Variants in BACH2 observed in about 807,000 individuals in gnomAD.
BACH2 encodes the protein BACH transcriptional regulator 2, also known as transcription regulator protein BACH2.
In BACH2, 5 loss-of-function variants were observed where a neutral mutation model predicts 61.8. That is an observed-to-expected ratio of 0.08 (90% confidence interval 0.04 to 0.17). The LOEUF is 0.17. BACH2 is among the 10% of genes least tolerant of loss of function. BACH2 has a pLI of 1.00. For missense variants in BACH2, 824 were observed against 1,091.1 expected, an observed-to-expected ratio of 0.76 and a Z score of 3.45; for synonymous variants, 446 against 440.1, an observed-to-expected ratio of 1.01 and a Z score of -0.17.
intron 2 of BACH2, among the ~76,000 whole-genome samples, chr6:90,262,117 C>G (rs75009099): frequency 1.3e-5 from 2 of 152,222 alleles, no homozygotes; most frequent in Admixed American, 6.5e-5. Flanking sequence ...TGGCATGGTA[C>G]GTAAGGTCCT....
chr6:89,984,324 G>A (rs144534102), intron 6 of BACH2, among the ~76,000 whole-genome samples: 302 of 152,198 alleles, frequency 2.0e-3, no homozygotes, highest in Non-Finnish European at 3.0e-3. Context: ...TGGTCACAGA[G>A]AAACGAGAGG....
At chr6:90,218,664 T>G (rs574694793) in intron 3 of BACH2, among the ~76,000 whole-genome samples, 1 of 152,202 alleles carries the variant, frequency 6.6e-6, no homozygotes, top group East Asian at 1.9e-4. Flanking sequence ...GCTCTGCCCT[T>G]TCTCTGGCTC....
chr6:90,174,170 A>G (rs964415984), intron 4 of BACH2, among the ~76,000 whole-genome samples: 4 of 152,096 alleles, frequency 2.6e-5, no homozygotes, highest in Non-Finnish European at 5.9e-5. Context: ...TAAATGCAAA[A>G]ATCCTGAACA....
intron 3 of BACH2, among the ~76,000 whole-genome samples, chr6:90,231,789 C>A (rs1198758859): frequency 1.3e-5 from 2 of 152,132 alleles, no homozygotes; most frequent in African/African-American, 4.8e-5. Flanking sequence ...ATTCTAAGTC[C>A]ACTGGGCTGG....
chr6:90,190,103 T>C (rs749914948), intron 4 of BACH2, among the ~76,000 whole-genome samples: 36 of 152,116 alleles, frequency 2.4e-4, no homozygotes, highest in Non-Finnish European at 4.9e-4. Flanking sequence ...ACCACCACAC[T>C]CGTCTAACTT....
intron 1 of BACH2, among the ~76,000 whole-genome samples, chr6:90,294,577 C>A (rs548579814): frequency 1.3e-5 from 2 of 152,246 alleles, no homozygotes; most frequent in East Asian, 3.9e-4. Context: ...TTGAACGCAA[C>A]ACTGTAATTT....
intron 5 of BACH2, among the ~76,000 whole-genome samples, chr6:90,077,678 T>C (rs1041112530): frequency 1.3e-5 from 2 of 152,186 alleles, no homozygotes; most frequent in African/African-American, 4.8e-5. Context: ...ATACAACAAT[T>C]AAGAAAACTA....
chr6:90,055,649 G>A (rs1780301139), intron 5 of BACH2, among the ~76,000 whole-genome samples: 1 of 141,854 alleles, frequency 7.0e-6, no homozygotes, highest in African/African-American at 3.2e-5. Context: ...CTCGAGAAGA[G>A]CAACTCCAAG....
At chr6:89,937,842 T>G (rs1773118967) in intron 8 of BACH2, among the ~76,000 whole-genome samples, 1 of 152,218 alleles carries the variant, frequency 6.6e-6, no homozygotes, top group Non-Finnish European at 1.5e-5. Flanking sequence ...ACATCAGTTA[T>G]TTTCACATGT....
At chr6:89,955,655 C>T (rs549799356) in intron 6 of BACH2, among the ~76,000 whole-genome samples, 10 of 152,308 alleles carry the variant, frequency 6.6e-5, no homozygotes, top group African/African-American at 2.2e-4. Context: ...GCAAGTGTTA[C>T]AACAGGCAGA....
intron 5 of BACH2, among the ~76,000 whole-genome samples, chr6:90,086,198 TTAA>T (rs1181233953): frequency 2.0e-5 from 3 of 152,228 alleles, no homozygotes; most frequent in African/African-American, 7.2e-5. Flanking sequence ...ATTGTATGTA[TTAA>T]TATACACCAC....
At chr6:89,969,719 TA>T (rs1396604912) in intron 6 of BACH2, among the ~76,000 whole-genome samples, 4 of 152,002 alleles carry the variant, frequency 2.6e-5, no homozygotes, top group Non-Finnish European at 5.9e-5. Flanking sequence ...ATGGGGCTCA[TA>T]AAAGGGAATG....
At chr6:90,278,985 A>C (rs1771776249) in intron 1 of BACH2, among the ~76,000 whole-genome samples, 1 of 152,230 alleles carries the variant, frequency 6.6e-6, no homozygotes, top group South Asian at 2.1e-4. Flanking sequence ...CATGTAATCA[A>C]CATAATAAAA....
intron 2 of BACH2, among the ~76,000 whole-genome samples, chr6:90,256,402 T>C (rs1258699582): frequency 1.3e-5 from 2 of 152,228 alleles, no homozygotes; most frequent in South Asian, 2.1e-4. Flanking sequence ...GCCATGTTTT[T>C]CCCCCTCTCT....
chr6:90,210,871 A>G (rs1227478965), intron 3 of BACH2, among the ~76,000 whole-genome samples: 6 of 152,252 alleles, frequency 3.9e-5, no homozygotes, highest in Non-Finnish European at 8.8e-5. Context: ...GGATAGAAGC[A>G]TGGGTAAGAA....
At chr6:90,029,491 TCCTC>T (rs1297537617) in intron 5 of BACH2, among the ~76,000 whole-genome samples, 1 of 152,118 alleles carries the variant, frequency 6.6e-6, no homozygotes, top group African/African-American at 2.4e-5. Flanking sequence ...TCACTCTCCA[TCCTC>T]CCTCCCTGTT....
chr6:90,110,235 T>C (rs925332124), intron 4 of BACH2, among the ~76,000 whole-genome samples: 3 of 152,204 alleles, frequency 2.0e-5, no homozygotes, highest in Admixed American at 2.0e-4. Flanking sequence ...CTGTGGATAT[T>C]CTCTGATTCT....
chr6:90,123,769 CAAAAAAAAA>C (rs796903431), intron 4 of BACH2, among the ~76,000 whole-genome samples: 2 of 33,984 alleles, frequency 5.9e-5, no homozygotes, highest in African/African-American at 8.9e-5. Context: ...GACTCCGTCT[CAAAAAAAAA>C]AAAAAAAAAA....
chr6:90,269,014 C>G (rs996843206), intron 2 of BACH2, among the ~76,000 whole-genome samples: 1 of 152,090 alleles, frequency 6.6e-6, no homozygotes, highest in African/African-American at 2.4e-5. Flanking sequence ...AAATGAAACC[C>G]CATACAACTC....
Sources: allele counts gnomAD v4.1 joint callset (sites outside exome capture counted in the v4.1 genomes callset), GRCh38; gene constraint gnomAD v4.1.1; transcripts MANE v1.5; gene names NCBI Gene and HGNC (gene_info 2026-07-23, HGNC 2026-07-21).